RNLS: variants seen among roughly 807,000 people sequenced by gnomAD.
The protein encoded by RNLS is renalase.
Under a neutral mutation model 39.8 loss-of-function variants are expected in RNLS, and 39 were observed. That is an observed-to-expected ratio of 0.98 (90% confidence interval 0.76 to 1.28). The LOEUF (loss-of-function observed/expected upper bound fraction) is 1.28, where lower values mean the gene tolerates loss of function less well. Among genes scored for constraint, RNLS ranks in the 50% most tolerant of loss-of-function variants. The pLI is 0.00. For synonymous variants in RNLS, 147 were observed against 150.7 expected (o/e 0.98, Z 0.18); for missense variants, 410 against 413.3 (o/e 0.99, Z 0.07).
At chr10:88,429,342 A>G (rs1380637126) in intron 4 of RNLS, among the ~76,000 whole-genome samples, 1 of 152,000 alleles carries the variant, frequency 6.6e-6, no homozygotes, top group Non-Finnish European at 1.5e-5. Flanking sequence ...CTGCTATACA[A>G]AGTTTAGTCA....
Position 88,310,801 on chromosome 10 carries a change from CAAAAAAAAA to C in RNLS, c.876+3656_876+3664del, listed in dbSNP as rs577838661. On this transcript the variant is annotated intron_variant, in intron 6 of 6. Coordinates refer to ENST00000331772, the MANE Select transcript of RNLS (RefSeq NM_001031709.3). ...TGACAGATTTAGAGCCTACCTCTGC[CAAAAAAAAA>C]AAAAAAAAAAAAAAAAAGAAAGAAA... Among the ~76,000 whole-genome samples, 10 of 19,602 alleles carry C rather than the reference CAAAAAAAAA, an allele frequency of 5.1e-4. No individual in the cohort carries two copies. In the South Asian group the frequency reaches 9.7e-3, roughly 19 times the overall value. 12.9% of individuals were successfully genotyped at this position (19,602 alleles called of 152,430 possible). A position where few individuals can be genotyped will look rare whatever the true frequency, so the allele number is the denominator to read the frequency against.
chr10:88,536,105 A>G (rs1178752499), intron 4 of RNLS, among the ~76,000 whole-genome samples: 1 of 152,194 alleles, frequency 6.6e-6, no homozygotes, highest in East Asian at 1.9e-4. Flanking sequence ...GCAATACCAC[A>G]TAAGTGATTT....
At chr10:88,458,156 C>G (rs4933482) in intron 4 of RNLS, among the ~76,000 whole-genome samples, 28,670 of 152,086 alleles carry the variant, frequency 0.19, 2,968 homozygotes, top group Middle Eastern at 0.29. Context: ...GGTTAGCTTT[C>G]CCTTCTAGCA....
In RNLS at chr10:88,285,231, GATA is replaced by G. The variant is rs768725882; in HGVS notation, c.*120_*122del. The stretch of plus-strand genomic sequence containing the variant: ...TGATTTTATACTCCACATGAAAAAT[GATA>G]ATAAGTGAAGAACAATTTTCCAGTA... On this transcript the variant is annotated 3_prime_UTR_variant, in exon 7 of 7. Transcript: ENST00000331772. 311 of 1,390,300 alleles carry G rather than the reference GATA, an allele frequency of 2.2e-4. No homozygotes were observed. Among genetic ancestry groups the G allele is most frequent in the Non-Finnish European group, 2.7e-4 (292 of 1,070,066 alleles). 86.1% of individuals were successfully genotyped at this position (1,390,300 alleles called of 1,614,324 possible).
At chr10:88,307,248 T>G (rs1844991117) in intron 6 of RNLS, among the ~76,000 whole-genome samples, 1 of 152,162 alleles carries the variant, frequency 6.6e-6, no homozygotes, top group South Asian at 2.1e-4. Flanking sequence ...GTATTCCCTT[T>G]GAAAACCAGC....
intron 4 of RNLS, among the ~76,000 whole-genome samples, chr10:88,498,314 A>G (rs948187031): frequency 6.6e-6 from 1 of 151,892 alleles, no homozygotes; most frequent in African/African-American, 2.4e-5. Flanking sequence ...AGGAAACATC[A>G]GACAAACTCA....
intron 6 of RNLS, chr10:88,275,128 G>T: frequency 1.0e-6 from 1 of 953,128 alleles, no homozygotes; most frequent in Non-Finnish European, 1.7e-6. Flanking sequence ...TGCTTTCACG[G>T]AACATATATA....
chr10:88,463,787 C>G (rs1467069234), intron 4 of RNLS, among the ~76,000 whole-genome samples: 1 of 151,918 alleles, frequency 6.6e-6, no homozygotes, highest in Non-Finnish European at 1.5e-5. Context: ...TTTTATATCT[C>G]TTCATCCTAG....
intron 4 of RNLS, among the ~76,000 whole-genome samples, chr10:88,421,940 A>T (rs963631746): frequency 6.6e-6 from 1 of 152,112 alleles, no homozygotes; most frequent in Admixed American, 6.6e-5. Flanking sequence ...TGCTCATTAT[A>T]CAAGATCACA....
chr10:88,191,953 G>C, the RNLS span, among the ~76,000 whole-genome samples: 1 of 151,458 alleles, frequency 6.6e-6, no homozygotes, highest in Non-Finnish European at 1.5e-5. Context: ...TTCAGCTTGG[G>C]GTGCCCCATA....
At chr10:88,527,892 T>G (rs1847199928) in intron 4 of RNLS, among the ~76,000 whole-genome samples, 1 of 149,618 alleles carries the variant, frequency 6.7e-6, no homozygotes, top group Non-Finnish European at 1.5e-5. Context: ...CTCAGAGAGA[T>G]AAGATAGTGC....
intron 4 of RNLS, among the ~76,000 whole-genome samples, chr10:88,426,457 G>C (rs1329012692): frequency 6.6e-6 from 1 of 151,482 alleles, no homozygotes; most frequent in Non-Finnish European, 1.5e-5. Flanking sequence ...TTTTACTGTT[G>C]GGAAAAAGAA....
At chr10:88,198,420 T>C in the RNLS span, among the ~76,000 whole-genome samples, 2 of 152,174 alleles carry the variant, frequency 1.3e-5, no homozygotes, top group Admixed American at 1.3e-4. Context: ...ATACATTGCT[T>C]TGGTGTTTTG....
At chr10:88,192,195 A>G in the RNLS span, among the ~76,000 whole-genome samples, 1 of 152,030 alleles carries the variant, frequency 6.6e-6, no homozygotes, top group East Asian at 1.9e-4. Flanking sequence ...GCACCACGGG[A>G]CCTTGCTGCC....
At chr10:88,226,244 C>T in the RNLS span, among the ~76,000 whole-genome samples, 1 of 151,920 alleles carries the variant, frequency 6.6e-6, no homozygotes, top group African/African-American at 2.4e-5. Flanking sequence ...TATCTATGCA[C>T]GGTTTGTGCA....
chr10:88,266,214 A>C, the RNLS span, among the ~76,000 whole-genome samples: 1 of 152,090 alleles, frequency 6.6e-6, no homozygotes, highest in Non-Finnish European at 1.5e-5. Flanking sequence ...AGGCTCACCC[A>C]CTCTAATAAC....
At position 88,583,282 on chromosome 10, in the gene RNLS, T is replaced by G; in HGVS notation, c.-92A>C. ...AAGGCGGCCGAACCGGCGCTAGCGC[T>G]CTTTGGTTCCGTGCTCCCTGGGCCG... is the stretch of plus-strand genomic sequence containing the variant. On this transcript the variant is annotated 5_prime_UTR_variant, in exon 1 of 7. Coordinates refer to ENST00000331772, the MANE Select transcript of RNLS (RefSeq NM_001031709.3). 6.4e-7 allele frequency: 1 copy of G among 1,555,898 alleles called. No individual in the cohort carries two copies. Among genetic ancestry groups the G allele is most frequent in the Non-Finnish European group, 8.6e-7 (1 of 1,158,128 alleles).
the RNLS span, among the ~76,000 whole-genome samples, chr10:88,174,716 T>C: frequency 1.3e-5 from 2 of 152,196 alleles, no homozygotes; most frequent in Non-Finnish European, 2.9e-5. Flanking sequence ...TGGTCTGTTT[T>C]GTGTATTTGT....
chr10:88,341,932 A>G (rs1436760134), intron 5 of RNLS, among the ~76,000 whole-genome samples: 13 of 152,196 alleles, frequency 8.5e-5, no homozygotes, highest in Admixed American at 8.5e-4. Flanking sequence ...TCAAAAAGAT[A>G]GTTTCTACTC....
Sources: allele counts gnomAD v4.1 joint callset (sites outside exome capture counted in the v4.1 genomes callset), GRCh38; gene constraint gnomAD v4.1.1; transcripts MANE v1.5; gene names NCBI Gene and HGNC (gene_info 2026-07-23, HGNC 2026-07-21).